KANK1: variants seen among roughly 807,000 people sequenced by gnomAD.
The protein encoded by KANK1 is KN motif and ankyrin repeat domain-containing protein 1.
A neutral mutation model predicts 106.2 loss-of-function variants in KANK1; 109 were observed. The observed-to-expected ratio is 1.03, with a 90% CI of 0.88 to 1.20. KANK1 has a LOEUF of 1.20. Ranked by LOEUF, KANK1 falls within the 50% of genes most tolerant of loss-of-function variation. KANK1 has a pLI of 0.00. For synonymous variants in KANK1, 873 were observed against 652.2 expected (o/e 1.34, Z -5.16); for missense variants, 2,399 against 1,710.7 (o/e 1.40, Z -7.10).
intron 1 of KANK1, among the ~76,000 whole-genome samples, chr9:654,367 T>C (rs1353323632): frequency 6.6e-6 from 1 of 152,178 alleles, no homozygotes; most frequent in Non-Finnish European, 1.5e-5. Context: ...GTTAGAAATG[T>C]AAATTTTAAC....
intron 1 of KANK1, among the ~76,000 whole-genome samples, chr9:535,651 G>C (rs1192266161): frequency 6.6e-6 from 1 of 152,226 alleles, no homozygotes; most frequent in Non-Finnish European, 1.5e-5. Flanking sequence ...TCCCTGAGTT[G>C]TTAGGGCCTT....
Position 551,202 on chromosome 9 carries a change from A to G in KANK1, c.-84+46448A>G, listed in dbSNP as rs113880333. 4.0e-3 allele frequency among the ~76,000 whole-genome samples: 599 copies of G among 151,498 alleles called. 11 individuals are homozygous for G. Among genetic ancestry groups the G allele is most frequent in the African/African-American group, 0.014 (587 of 41,290 alleles). ...TTGCCTGGGGCTTTTCGCAGTTACAATAAAAGTGGAAAGATGAAGAATAAG... is the reference window on the plus strand; with the variant it reads ...TTGCCTGGGGCTTTTCGCAGTTACAGTAAAAGTGGAAAGATGAAGAATAAG... On this transcript the variant is annotated intron_variant, in intron 1 of 11. Coordinates refer to ENST00000382297, the MANE Select transcript of KANK1 (RefSeq NM_015158.5).
chr9:504,599 G>A (rs1365978083), upstream of KANK1: 1 of 149,122 alleles, frequency 6.7e-6, no homozygotes, highest in Non-Finnish European at 1.5e-5. Flanking sequence ...GGTCCGCCCC[G>A]GCTTCCCCGC....
chr9:744,764 C>G (rs1318045591), intron 11 of KANK1, 175 bp downstream of exon 11: 1 of 1,499,306 alleles, frequency 6.7e-7, no homozygotes, highest in East Asian at 2.5e-5. Context: ...AGCAGGAGAA[C>G]TAATGTTTTA....
chr9:712,974 T>G lies in KANK1; in HGVS notation c.2208T>G (p.Ile736Met). Residue 736 changes from isoleucine (I) to methionine (M), a missense_variant, in exon 3 of 12, where the codon ATT becomes ATG. By Grantham distance (10) the Ile-to-Met change is conservative. Coordinates refer to ENST00000382297, the MANE Select transcript of KANK1 (RefSeq NM_015158.5). The part of the protein sequence containing the change: ...DINSSTKTRS[I>M]GVGTLLSGHS... ...ACTCCTCCACCAAGACGCGGTCCAT[T>G]GGTGTTGGAACGTTGCTTTCTGGCC... 1 of 1,614,028 alleles carries G rather than the reference T, an allele frequency of 6.2e-7. No homozygotes were observed. The highest frequency in any genetic ancestry group is 8.5e-7 in the Non-Finnish European group (1 of 1,179,996).
chr9:497,552 TTAA>T (rs1404932415), intron 3 of KANK1, among the ~76,000 whole-genome samples: 1 of 152,096 alleles, frequency 6.6e-6, no homozygotes, highest in Non-Finnish European at 1.5e-5. Context: ...CAAAAAACCC[TTAA>T]TTATAACTGT....
intron 1 of KANK1, among the ~76,000 whole-genome samples, chr9:662,051 A>G (rs951905770): frequency 5.3e-5 from 8 of 152,180 alleles, no homozygotes; most frequent in African/African-American, 1.7e-4. Flanking sequence ...GTAGAAGCCA[A>G]ATGATGAGTG....
At chr9:605,300 CA>C (rs34315668) in intron 1 of KANK1, among the ~76,000 whole-genome samples, 39,201 of 106,708 alleles carry the variant, frequency 0.37, 5,525 homozygotes, top group South Asian at 0.49. Flanking sequence ...GACTCCGTCT[CA>C]AAAAAAAAAA....
intron 1 of KANK1, among the ~76,000 whole-genome samples, chr9:616,680 C>G (rs1831908104): frequency 1.3e-5 from 2 of 152,078 alleles, no homozygotes; most frequent in Admixed American, 6.5e-5. Context: ...CAGTGGCTTT[C>G]AACAACACAC....
intron 1 of KANK1, among the ~76,000 whole-genome samples, chr9:509,908 C>T (rs189251181): frequency 5.3e-5 from 8 of 152,250 alleles, no homozygotes; most frequent in African/African-American, 1.2e-4. Context: ...GCAATCCTCC[C>T]GCCTCAGCCT....
chr9:677,089 G>A lies in KANK1; in HGVS notation c.37+80G>A, dbSNP rs75543046. 3.6e-3 allele frequency: 4,629 copies of A among 1,281,958 alleles called. 140 individuals are homozygous for A. In the African/African-American group the frequency reaches 0.059, roughly 16 times the overall value. 79.4% of individuals were successfully genotyped at this position (1,281,958 alleles called of 1,614,324 possible). A position where few individuals can be genotyped will look rare whatever the true frequency, so the allele number is the denominator to read the frequency against. ...TTTTTTATTCTCTTTAATAATGAAC[G>A]GATAATAGCAAGTTGCCTAGATAAC... On this transcript the variant is annotated intron_variant, in intron 2 of 11. Coordinates refer to ENST00000382297, the MANE Select transcript of KANK1 (RefSeq NM_015158.5).
intron 1 of KANK1, among the ~76,000 whole-genome samples, chr9:596,866 A>G (rs1826343483): frequency 1.3e-5 from 2 of 151,864 alleles, no homozygotes. Context: ...TCACTACAAA[A>G]GAAAACCCCG....
chr9:662,261 T>G (rs965780363), intron 1 of KANK1, among the ~76,000 whole-genome samples: 1 of 152,156 alleles, frequency 6.6e-6, no homozygotes, highest in Non-Finnish European at 1.5e-5. Context: ...CCAAGGTAAT[T>G]TATAGGTTCA....
chr9:645,478 A>G (rs1319394494), intron 1 of KANK1, among the ~76,000 whole-genome samples: 1 of 150,086 alleles, frequency 6.7e-6, no homozygotes, highest in African/African-American at 2.5e-5. Context: ...AAGATAAAAA[A>G]CAGTGAAATA....
At chr9:573,444 G>C (rs560842773) in intron 1 of KANK1, among the ~76,000 whole-genome samples, 1 of 152,026 alleles carries the variant, frequency 6.6e-6, no homozygotes, top group South Asian at 2.1e-4. Context: ...TAATTTTTTT[G>C]TATTTTTAGT....
chr9:502,306 C>T (rs1359622269), upstream of KANK1, among the ~76,000 whole-genome samples: 2 of 152,122 alleles, frequency 1.3e-5, no homozygotes, highest in East Asian at 1.9e-4. Context: ...CTGAATTATA[C>T]ATTTTGGGAG....
intron 1 of KANK1, among the ~76,000 whole-genome samples, chr9:594,236 G>C (rs1825681244): frequency 6.6e-6 from 1 of 151,814 alleles, no homozygotes; most frequent in Non-Finnish European, 1.5e-5. Context: ...ATGTTTTTCT[G>C]CCTTTAATAA....
intron 1 of KANK1, among the ~76,000 whole-genome samples, chr9:591,792 G>A (rs7847114): frequency 0.24 from 36,687 of 151,484 alleles, 4,939 homozygotes; most frequent in Admixed American, 0.33. Flanking sequence ...GCAAGTAGCT[G>A]GGATTACAGG....
intron 7 of KANK1, among the ~76,000 whole-genome samples, chr9:737,182 C>G (rs1834020711): frequency 6.6e-6 from 1 of 152,094 alleles, no homozygotes. Context: ...TCCCTTCTTT[C>G]AGTGTGACAA....
Sources: allele counts gnomAD v4.1 joint callset (sites outside exome capture counted in the v4.1 genomes callset), GRCh38; gene constraint gnomAD v4.1.1; transcripts MANE v1.5; gene names NCBI Gene and HGNC (gene_info 2026-07-23, HGNC 2026-07-21).